FSTL4: variants seen among roughly 807,000 people sequenced by gnomAD.
FSTL4 encodes the protein follistatin-related protein 4.
Under a neutral mutation model 78.2 loss-of-function variants are expected in FSTL4, and 28 were observed. The ratio of observed to expected loss-of-function variants is 0.36; its 90% CI spans 0.27 to 0.49. The LOEUF (loss-of-function observed/expected upper bound fraction) is 0.49. FSTL4 is among the 20% of genes least tolerant of loss of function. FSTL4 has a pLI of 0.98. For synonymous variants in FSTL4, 422 were observed against 440.5 expected, an observed-to-expected ratio of 0.96 and a Z score of 0.53; for missense variants, 922 against 1,084.9, an observed-to-expected ratio of 0.85 and a Z score of 2.11.
chr5:133,716,619 A>G, the FSTL4 span, among the ~76,000 whole-genome samples: 2 of 152,150 alleles, frequency 1.3e-5, no homozygotes, highest in African/African-American at 4.8e-5. Context: ...TCACTGTGGT[A>G]TAACTTATTT....
At chr5:133,750,392 C>A in the FSTL4 span, among the ~76,000 whole-genome samples, 1 of 152,204 alleles carries the variant, frequency 6.6e-6, no homozygotes, top group Admixed American at 6.5e-5. Flanking sequence ...ACTGCCCTGG[C>A]CTCTGAGGAC....
the FSTL4 span, among the ~76,000 whole-genome samples, chr5:133,725,142 A>G: frequency 1.1e-4 from 17 of 152,200 alleles, no homozygotes; most frequent in Non-Finnish European, 2.2e-4. Context: ...TCAATCAGGT[A>G]GTGTAAGCCC....
chr5:133,714,947 C>T, the FSTL4 span, among the ~76,000 whole-genome samples: 2,395 of 152,356 alleles, frequency 0.016, 57 homozygotes, highest in African/African-American at 0.051. Flanking sequence ...ACATCCCTTA[C>T]GCCCTTGAGT....
chr5:133,809,190 A>AC, the FSTL4 span, among the ~76,000 whole-genome samples: 44 of 151,702 alleles, frequency 2.9e-4, no homozygotes, highest in Non-Finnish European at 4.4e-5. Context: ...ACATGGTGAA[A>AC]CCCCATCTCT....
chr5:133,302,748 C>T (rs143297155), intron 6 of FSTL4, among the ~76,000 whole-genome samples: 8 of 152,332 alleles, frequency 5.3e-5, no homozygotes, highest in East Asian at 3.9e-4. Flanking sequence ...GCTGCTCACC[C>T]GGCGCATGCC....
At chr5:133,571,607 C>G (rs766913208) in intron 2 of FSTL4, among the ~76,000 whole-genome samples, 15 of 152,186 alleles carry the variant, frequency 9.9e-5, no homozygotes, top group Middle Eastern at 6.3e-3. Context: ...GTAAAATGCT[C>G]AGGTGATGGA....
the FSTL4 span, among the ~76,000 whole-genome samples, chr5:133,660,105 A>G: frequency 3.3e-5 from 5 of 152,222 alleles, no homozygotes; most frequent in Non-Finnish European, 7.3e-5. Flanking sequence ...CTTTCATGTA[A>G]TGTCCCTAAA....
At chr5:133,640,523 G>T in the FSTL4 span, among the ~76,000 whole-genome samples, 3 of 152,158 alleles carry the variant, frequency 2.0e-5, no homozygotes, top group Non-Finnish European at 2.9e-5. Flanking sequence ...CTGGCTCTGA[G>T]ACCTGCTAAC....
At chr5:133,208,616 A>G (rs1750602092) in intron 14 of FSTL4, among the ~76,000 whole-genome samples, 1 of 152,028 alleles carries the variant, frequency 6.6e-6, no homozygotes, top group Non-Finnish European at 1.5e-5. Context: ...GATTTGAGAG[A>G]GCTTTTCTTG....
chr5:133,521,741 T>C (rs1232945795), intron 3 of FSTL4, among the ~76,000 whole-genome samples: 3 of 152,234 alleles, frequency 2.0e-5, no homozygotes, highest in African/African-American at 7.2e-5. Flanking sequence ...TGGCTATTAA[T>C]GTCTTGTGAG....
chr5:133,242,340 A>C (rs1030230206), intron 7 of FSTL4, among the ~76,000 whole-genome samples: 1 of 152,160 alleles, frequency 6.6e-6, no homozygotes, highest in Non-Finnish European at 1.5e-5. Context: ...AGAGGCACCA[A>C]TCGGCCTCCT....
chr5:133,504,537 C>T (rs1758572554), intron 3 of FSTL4, among the ~76,000 whole-genome samples: 1 of 152,180 alleles, frequency 6.6e-6, no homozygotes, highest in Non-Finnish European at 1.5e-5. Flanking sequence ...TGATTACAAC[C>T]TATTGATGCT....
At chr5:133,378,844 G>A (rs1755502917) in intron 4 of FSTL4, among the ~76,000 whole-genome samples, 1 of 152,036 alleles carries the variant, frequency 6.6e-6, no homozygotes, top group Admixed American at 6.6e-5. Context: ...ACAAAGCACT[G>A]AGGGAGAAAC....
At chr5:133,487,887 G>A (rs1758169475) in intron 3 of FSTL4, among the ~76,000 whole-genome samples, 1 of 152,182 alleles carries the variant, frequency 6.6e-6, no homozygotes, top group African/African-American at 2.4e-5. Context: ...CTCTGCTGCT[G>A]AGGACACTTG....
chr5:133,658,684 T>C, the FSTL4 span, among the ~76,000 whole-genome samples: 1 of 152,130 alleles, frequency 6.6e-6, no homozygotes, highest in African/African-American at 2.4e-5. Context: ...TTTACTCTGT[T>C]TCCCCTTTGA....
At chr5:133,301,699 C>A (rs1382134637) in intron 6 of FSTL4, among the ~76,000 whole-genome samples, 1 of 152,204 alleles carries the variant, frequency 6.6e-6, no homozygotes, top group Non-Finnish European at 1.5e-5. Context: ...CCCATGCCAT[C>A]TGGAGAAGAA....
At chr5:133,826,108 A>G in the FSTL4 span, among the ~76,000 whole-genome samples, 1 of 152,224 alleles carries the variant, frequency 6.6e-6, no homozygotes, top group African/African-American at 2.4e-5. Flanking sequence ...GCATCAGGTC[A>G]GCTTCCACTG....
intron 3 of FSTL4, among the ~76,000 whole-genome samples, chr5:133,508,355 T>C (rs563272080): frequency 1.3e-5 from 2 of 152,354 alleles, no homozygotes; most frequent in Admixed American, 6.5e-5. Flanking sequence ...TGTCAAATGC[T>C]TGGCTTTCTA....
chr5:133,683,658 C>T, the FSTL4 span, among the ~76,000 whole-genome samples: 1 of 152,288 alleles, frequency 6.6e-6, no homozygotes, highest in South Asian at 2.1e-4. Context: ...CATTTATTTC[C>T]TTTTTCCCCC....
Sources: gnomAD v4.1 joint callset for allele counts (sites outside exome capture counted in the v4.1 genomes callset) on GRCh38, gnomAD v4.1.1 for gene constraint, MANE v1.5 for transcripts, NCBI Gene and HGNC (gene_info 2026-07-23, HGNC 2026-07-21) for gene names.